NAALADL2: variants seen among roughly 807,000 people sequenced by gnomAD.
The protein encoded by NAALADL2 is N-acetylated alpha-linked acidic dipeptidase like 2.
In NAALADL2, 76 loss-of-function variants were observed where a neutral mutation model predicts 87.2. The ratio of observed to expected loss-of-function variants is 0.87; its 90% CI spans 0.72 to 1.05. The LOEUF is 1.05. Among genes scored for constraint, NAALADL2 ranks in the 50% least tolerant of loss-of-function variants. The probability of loss-of-function intolerance (pLI) is 0.00; values close to 1 mark genes in which losing one functional copy is unlikely to be tolerated. For missense variants in NAALADL2, 1,089 were observed against 945.8 expected (o/e 1.15, Z -1.99); for synonymous variants, 354 against 331.0 (o/e 1.07, Z -0.75).
At chr3:174,665,481 C>T (rs1352275269) in intron 2 of NAALADL2, among the ~76,000 whole-genome samples, 4 of 152,124 alleles carry the variant, frequency 2.6e-5, no homozygotes, top group African/African-American at 9.7e-5. Flanking sequence ...CTGGTCATTA[C>T]ATGTTATTGT....
intron 5 of NAALADL2, among the ~76,000 whole-genome samples, chr3:175,434,677 A>C (rs1581868770): frequency 6.6e-6 from 1 of 152,158 alleles, no homozygotes; most frequent in East Asian, 1.9e-4. Context: ...TTTATTTGCT[A>C]TCTGTTAAAA....
At chr3:175,438,326 C>G (rs1719092360) in intron 5 of NAALADL2, among the ~76,000 whole-genome samples, 2 of 151,990 alleles carry the variant, frequency 1.3e-5, no homozygotes, top group South Asian at 4.1e-4. Flanking sequence ...ACAAGGACAA[C>G]AAAATGACTA....
intron 5 of NAALADL2, among the ~76,000 whole-genome samples, chr3:175,352,702 G>T (rs1342597674): frequency 6.6e-6 from 1 of 152,166 alleles, no homozygotes; most frequent in African/African-American, 2.4e-5. Context: ...TGGACTAAGA[G>T]GGAGCAGAGA....
chr3:174,576,018 C>T (rs1041145395), intron 2 of NAALADL2, among the ~76,000 whole-genome samples: 6 of 152,042 alleles, frequency 3.9e-5, no homozygotes, highest in Non-Finnish European at 8.8e-5. Context: ...CATGCACCAC[C>T]ATGCCTGGCT....
chr3:174,534,475 T>C (rs1272493780), intron 1 of NAALADL2, among the ~76,000 whole-genome samples: 13 of 152,220 alleles, frequency 8.5e-5, no homozygotes, highest in Admixed American at 7.9e-4. Context: ...TCTATCATTC[T>C]TCTCTGCCAT....
In NAALADL2 at chr3:175,324,311, G is replaced by A. The variant is rs1323225935; in HGVS notation, c.1076G>A (p.Gly359Asp). 1 of 1,610,618 alleles carries A rather than the reference G, an allele frequency of 6.2e-7. No individual in the cohort carries two copies. The highest frequency in any genetic ancestry group is 8.5e-7 in the Non-Finnish European group (1 of 1,178,746). The change falls in exon 5 of 14, where the codon GGT (glycine) becomes GAT (aspartate). Residue 359 changes from glycine (G) to aspartate (D), a missense_variant. Transcript: ENST00000454872. ...CCAGGAGGAGACCCTTCTACGCCTG[G>A]TTACCCAAGTGTCGGTAAGTTTGTT... is the stretch of plus-strand genomic sequence containing the variant. ...LNPGGDPSTP[G>D]YPSVDESFRQ...
intron 3 of NAALADL2, among the ~76,000 whole-genome samples, chr3:174,768,409 G>A (rs1714124185): frequency 6.6e-6 from 1 of 152,052 alleles, no homozygotes. Context: ...ATTACCTTTG[G>A]CATTAACTCT....
At chr3:175,396,625 G>C (rs1044798845) in intron 5 of NAALADL2, among the ~76,000 whole-genome samples, 1 of 151,942 alleles carries the variant, frequency 6.6e-6, no homozygotes, top group Non-Finnish European at 1.5e-5. Flanking sequence ...TATACTTACT[G>C]ACATGGTTTG....
intron 1 of NAALADL2, among the ~76,000 whole-genome samples, chr3:175,040,902 T>C (rs1327607883): frequency 2.0e-5 from 3 of 152,138 alleles, no homozygotes; most frequent in African/African-American, 7.2e-5. Flanking sequence ...CCAGAAAATG[T>C]TCATGCCTGA....
At chr3:174,610,759 A>G (rs960105831) in intron 2 of NAALADL2, among the ~76,000 whole-genome samples, 1 of 152,122 alleles carries the variant, frequency 6.6e-6, no homozygotes, top group Non-Finnish European at 1.5e-5. Context: ...CAGTGTGGCG[A>G]TTTCTCAGGG....
At chr3:175,123,866 C>G (rs1420967724) in intron 2 of NAALADL2, among the ~76,000 whole-genome samples, 2 of 151,948 alleles carry the variant, frequency 1.3e-5, no homozygotes, top group African/African-American at 4.8e-5. Context: ...TTTCTTCAAC[C>G]ATATCATGTT....
At chr3:174,756,953 AAAAACAAAAC>A (rs57152716) in intron 3 of NAALADL2, among the ~76,000 whole-genome samples, 19 of 149,774 alleles carry the variant, frequency 1.3e-4, no homozygotes, top group African/African-American at 2.7e-4. Context: ...TATAGACAAA[AAAAACAAAAC>A]AAAACAAAAC....
chr3:175,389,578 A>G (rs978287808), intron 5 of NAALADL2, among the ~76,000 whole-genome samples: 4 of 152,220 alleles, frequency 2.6e-5, no homozygotes, highest in African/African-American at 9.7e-5. Context: ...ACATTAGTAA[A>G]TGAATGATTT....
chr3:174,925,432 C>G (rs1735868753), intron 1 of NAALADL2, among the ~76,000 whole-genome samples: 1 of 152,078 alleles, frequency 6.6e-6, no homozygotes, highest in Admixed American at 6.6e-5. Flanking sequence ...TGGTCTATAT[C>G]TCTGTTTTGG....
intron 9 of NAALADL2, among the ~76,000 whole-genome samples, chr3:175,542,176 A>C (rs1712467676): frequency 6.6e-6 from 1 of 152,196 alleles, no homozygotes; most frequent in Admixed American, 6.5e-5. Context: ...CACCATGAAA[A>C]ATTTACAAGT....
chr3:175,201,752 T>G (rs2109156452), intron 2 of NAALADL2, among the ~76,000 whole-genome samples: 1 of 152,124 alleles, frequency 6.6e-6, no homozygotes, highest in African/African-American at 2.4e-5. Context: ...TATCATTGCT[T>G]TGCCTAGCTA....
At chr3:175,554,511 T>C (rs1474258745) in intron 9 of NAALADL2, among the ~76,000 whole-genome samples, 2 of 152,106 alleles carry the variant, frequency 1.3e-5, no homozygotes, top group African/African-American at 4.8e-5. Context: ...TCAGAAAGTA[T>C]AATATAATAT....
intron 1 of NAALADL2, among the ~76,000 whole-genome samples, chr3:174,468,695 T>C (rs1459133641): frequency 6.7e-6 from 1 of 149,810 alleles, no homozygotes; most frequent in African/African-American, 2.5e-5. Flanking sequence ...TTCATTTTCA[T>C]ATAAGGCTAA....
intron 13 of NAALADL2, among the ~76,000 whole-genome samples, chr3:175,786,901 CCTTT>C (rs1752057128): frequency 1.3e-5 from 2 of 152,100 alleles, no homozygotes; most frequent in African/African-American, 4.8e-5. Flanking sequence ...GTGTGGATGT[CCTTT>C]CTGTTTGTTA....
Sources: gnomAD v4.1 joint callset for allele counts (sites outside exome capture counted in the v4.1 genomes callset) on GRCh38, gnomAD v4.1.1 for gene constraint, MANE v1.5 for transcripts, NCBI Gene and HGNC (gene_info 2026-07-23, HGNC 2026-07-21) for gene names.